TEX11: variants seen among roughly 807,000 people sequenced by gnomAD.
TEX11 encodes the protein testis expressed 11.
A neutral mutation model predicts 84.4 loss-of-function variants in TEX11; 7 were observed. That is an observed-to-expected ratio of 0.08 (90% confidence interval 0.05 to 0.16). The LOEUF (loss-of-function observed/expected upper bound fraction) is 0.16. Among genes scored for constraint, TEX11 ranks in the 10% least tolerant of loss-of-function variants. The probability of loss-of-function intolerance (pLI) is 1.00; values close to 1 mark genes in which losing one functional copy is unlikely to be tolerated. For missense variants in TEX11, 551 were observed against 660.5 expected (o/e 0.83, Z 1.82); for synonymous variants, 264 against 222.8 (o/e 1.18, Z -1.64).
At chrX:70,864,418 G>T (rs752549511) in intron 4 of TEX11, among the ~76,000 whole-genome samples, 46 of 110,928 alleles carry the variant, frequency 4.1e-4, no homozygotes, top group South Asian at 7.7e-4. Flanking sequence ...GAAGACAGTG[G>T]GGGCCAATAT....
intron 25 of TEX11, among the ~76,000 whole-genome samples, chrX:70,575,393 C>T (rs749508383): frequency 8.9e-6 from 1 of 111,953 alleles, no homozygotes; most frequent in Non-Finnish European, 1.9e-5. Context: ...GAGGTGGAAC[C>T]TTTAATAGCT....
intron 13 of TEX11, among the ~76,000 whole-genome samples, chrX:70,709,177 A>T (rs2090404199): frequency 9.0e-6 from 1 of 111,557 alleles, no homozygotes; most frequent in Non-Finnish European, 1.9e-5. Context: ...GGGATATTCA[A>T]CCTGAAGCAG....
intron 20 of TEX11, among the ~76,000 whole-genome samples, chrX:70,616,751 T>C (rs2089322226): frequency 8.9e-6 from 1 of 111,965 alleles, no homozygotes; most frequent in Admixed American, 9.5e-5. Context: ...GAGGTCATTA[T>C]GTTAAATGAA....
At position 70,850,453 on chromosome X, in the gene TEX11, T is replaced by C. The variant is rs576920179; in HGVS notation, c.525+2581A>G. Among the ~76,000 whole-genome samples the C allele has an allele frequency of 1.8e-3, 203 of 110,008 alleles. 5 individuals are homozygous for C. In the South Asian group the frequency reaches 0.079, roughly 43 times the overall value. On this transcript the variant is annotated intron_variant, in intron 7 of 29. Coordinates refer to ENST00000374333, the MANE Select transcript of TEX11 (RefSeq NM_031276.3). Reference sequence around the variant, plus strand: ...TGAGCTTGTGGACAATTAAAACACATAGGTCTGGCCAGTCGCAGTGGTTCA... The same window carrying C: ...TGAGCTTGTGGACAATTAAAACACACAGGTCTGGCCAGTCGCAGTGGTTCA...
intron 24 of TEX11, among the ~76,000 whole-genome samples, chrX:70,600,419 G>A (rs1382790876): frequency 9.0e-6 from 1 of 110,957 alleles, no homozygotes; most frequent in Non-Finnish European, 1.9e-5. Flanking sequence ...TTAATAATGG[G>A]AGACTTTAAC....
chrX:70,589,388 T>C (rs1160044884), intron 25 of TEX11, among the ~76,000 whole-genome samples: 1 of 110,244 alleles, frequency 9.1e-6, no homozygotes, highest in Non-Finnish European at 1.9e-5. Context: ...TTAGACTATA[T>C]ATATGTATAT....
intron 17 of TEX11, among the ~76,000 whole-genome samples, chrX:70,635,912 T>G (rs182110562): frequency 2.1e-4 from 23 of 111,326 alleles, no homozygotes; most frequent in Non-Finnish European, 3.6e-4. Context: ...CTAGCACTCA[T>G]GAACACAGCC....
intron 28 of TEX11, among the ~76,000 whole-genome samples, chrX:70,532,456 C>A (rs2087900083): frequency 8.9e-6 from 1 of 112,576 alleles, no homozygotes; most frequent in Non-Finnish European, 1.9e-5. Flanking sequence ...GGAGTTATGG[C>A]CTGGCGCAGT....
At chrX:70,743,871 AAC>A (rs60520158) in intron 10 of TEX11, among the ~76,000 whole-genome samples, 8,399 of 87,537 alleles carry the variant, frequency 0.096, 439 homozygotes, top group Admixed American at 0.19. Context: ...TCTATCTCAA[AAC>A]ACACACACAC....
At chrX:70,726,521 C>T (rs758835583) in intron 11 of TEX11, among the ~76,000 whole-genome samples, 1 of 110,854 alleles carries the variant, frequency 9.0e-6, no homozygotes, top group African/African-American at 3.3e-5. Context: ...TTCTTCATAG[C>T]TTTGTTTGTT....
intron 20 of TEX11, among the ~76,000 whole-genome samples, chrX:70,612,600 G>A (rs1319247429): frequency 9.1e-6 from 1 of 110,426 alleles, no homozygotes; most frequent in African/African-American, 3.3e-5. Context: ...TGCCCTTGAG[G>A]GTATATAAAC....
At chrX:70,572,172 C>A (rs1243958304) in intron 25 of TEX11, among the ~76,000 whole-genome samples, 3 of 109,576 alleles carry the variant, frequency 2.7e-5, no homozygotes, top group African/African-American at 9.9e-5. Flanking sequence ...AAAACAACCC[C>A]ATCAAAAAGT....
At chrX:70,790,471 A>T (rs1438080088) in intron 9 of TEX11, among the ~76,000 whole-genome samples, 2 of 111,741 alleles carry the variant, frequency 1.8e-5, no homozygotes, top group East Asian at 5.6e-4. Context: ...GCTACAAGAG[A>T]TTCCACAAAC....
the TEX11 span, among the ~76,000 whole-genome samples, chrX:70,517,630 G>T: frequency 9.0e-6 from 1 of 111,593 alleles, no homozygotes; most frequent in South Asian, 3.8e-4. Context: ...GATGATGCTG[G>T]ACTCATAAAA....
chrX:70,779,410 G>A (rs1341758303), intron 9 of TEX11, among the ~76,000 whole-genome samples: 5 of 74,574 alleles, frequency 6.7e-5, no homozygotes, highest in South Asian at 6.9e-4. Context: ...GTGAGACCCC[G>A]TCTCAAAAAA....
intron 4 of TEX11, among the ~76,000 whole-genome samples, chrX:70,864,020 G>A (rs1253721644): frequency 9.0e-6 from 1 of 111,726 alleles, no homozygotes; most frequent in Non-Finnish European, 1.9e-5. Context: ...AAGGCGTGAA[G>A]ACAAGATGAG....
intron 16 of TEX11, among the ~76,000 whole-genome samples, chrX:70,657,448 A>G (rs1014641242): frequency 6.3e-4 from 58 of 91,399 alleles, no homozygotes; most frequent in African/African-American, 2.0e-3. Context: ...AAAAAGTTGT[A>G]AAAAATTAAA....
At chrX:70,857,618 A>G in intron 5 of TEX11, 1 of 290,179 alleles carries the variant, frequency 3.4e-6, no homozygotes, top group Non-Finnish European at 6.5e-6. Context: ...CAGTGATGGC[A>G]ATAAGAAAAA....
At chrX:70,879,914 T>C in intron 3 of TEX11, 74 bp downstream of exon 3, 1 of 899,598 alleles carries the variant, frequency 1.1e-6, no homozygotes, top group Non-Finnish European at 1.5e-6. Context: ...GACTACTTTT[T>C]TACCTATATA....
Sources: allele counts gnomAD v4.1 joint callset (sites outside exome capture counted in the v4.1 genomes callset), GRCh38; gene constraint gnomAD v4.1.1; transcripts MANE v1.5; gene names NCBI Gene and HGNC (gene_info 2026-07-23, HGNC 2026-07-21).